PRR14L: variants seen among roughly 807,000 people sequenced by gnomAD.
The protein encoded by PRR14L is protein PRR14L.
A neutral mutation model predicts 155.0 loss-of-function variants in PRR14L; 80 were observed. That is an observed-to-expected ratio of 0.52 (90% CI 0.43 to 0.62). PRR14L has a LOEUF of 0.62. Ranked by LOEUF, PRR14L falls within the 20% of genes least tolerant of loss-of-function variation. The probability of loss-of-function intolerance (pLI) is 0.00; values close to 1 mark genes in which losing one functional copy is unlikely to be tolerated. For synonymous variants in PRR14L, 883 were observed against 916.0 expected (o/e 0.96, Z 0.65); for missense variants, 2,469 against 2,548.0 (o/e 0.97, Z 0.67).
Position 31,713,202 on chromosome 22 carries a change from C to G in PRR14L, c.4637G>C (p.Ser1546Thr), listed in dbSNP as rs1216204912. 2.6e-6 allele frequency: 4 copies of G among 1,551,716 alleles called. No individual in the cohort carries two copies. Among genetic ancestry groups the G allele is most frequent in the Non-Finnish European group, 3.5e-6 (4 of 1,147,030 alleles). Residue 1546 changes from serine to threonine, a missense_variant, in exon 4 of 9, where the codon AGT (serine) becomes ACT (threonine). Around this residue, in one of 2 missense-constraint regions of PRR14L, gnomAD observed 2,363 missense variants for 2,371.6 expected, o/e 1.00. Transcript: ENST00000327423. ...IVGRKIGKIRSSAFLKSSSNP... is the reference protein window; with the variant it reads ...IVGRKIGKIRTSAFLKSSSNP... ...GGAAGAACTCTTTAAAAAGGCAGAACTTCTGATTTTACCTATTTTTCTCCC... is the reference window on the plus strand; with the variant it reads ...GGAAGAACTCTTTAAAAAGGCAGAAGTTCTGATTTTACCTATTTTTCTCCC...
At position 31,714,444 on chromosome 22, in the gene PRR14L, C is replaced by T. The variant is rs149914090; in HGVS notation, c.3395G>A (p.Cys1132Tyr). The change falls in exon 4 of 9, where the codon TGT becomes TAT. Residue 1132 changes from cysteine (C) to tyrosine (Y), a missense_variant. This residue lies in a region of PRR14L where 2,363 missense variants were observed against 2,371.6 expected (regional missense o/e 1.00). Coordinates refer to ENST00000327423, the MANE Select transcript of PRR14L (RefSeq NM_173566.3). ...TVDFLKIKKS[C>Y]EENVCRSLKD... ...TAAAGATCTGCATACGTTTTCTTCA[C>T]ATGATTTTTTTATTTTGAGAAAGTC... The T allele has an allele frequency of 1.3e-6, 2 of 1,551,690 alleles. No homozygotes were observed. The highest frequency in any genetic ancestry group is 2.0e-5 in the Admixed American group (1 of 50,954).
intron 3 of PRR14L, 22 bp from the exon 4 acceptor site, chr22:31,717,313 A>T: frequency 6.6e-7 from 1 of 1,504,694 alleles, no homozygotes; most frequent in South Asian, 1.3e-5. Flanking sequence ...AAATAAATCC[A>T]AATTAATATG....
At chr22:31,712,052 A>G in intron 4 of PRR14L, 31 bp downstream of exon 4, 1 of 1,556,730 alleles carries the variant, frequency 6.4e-7, no homozygotes, top group Non-Finnish European at 8.7e-7. Context: ...CAAATATGGG[A>G]CATTTGTAAA....
At chr22:31,688,052 T>G in intron 8 of PRR14L, 104 bp downstream of exon 8, 2 of 901,100 alleles carry the variant, frequency 2.2e-6, no homozygotes, top group East Asian at 3.7e-5. Flanking sequence ...AAAGACCCAA[T>G]ATTGGTACAA....
At chr22:31,728,013 T>C (rs2074726904) in intron 2 of PRR14L, among the ~76,000 whole-genome samples, 1 of 149,678 alleles carries the variant, frequency 6.7e-6, no homozygotes. Context: ...ATTGAATCAA[T>C]CGACAATAAA....
In PRR14L at chr22:31,738,489, A is replaced by T. The variant is rs1308973594; in HGVS notation, c.372T>A (p.Asp124Glu). Residue 124 changes from aspartate to glutamate, a missense_variant, in exon 2 of 9, where the codon GAT becomes GAA. Coordinates refer to ENST00000327423, the MANE Select transcript of PRR14L (RefSeq NM_173566.3). ...TTATAATTCCTGCCTGGCCCCCTGG[A>T]TCTCTGAAGACCTTTGGCTCCATGC... ...SESMEPKVFR[D>E]PGGQAGIIRE... 2 of 1,551,946 alleles carry T rather than the reference A, an allele frequency of 1.3e-6. No homozygotes were observed. Among genetic ancestry groups the T allele is most frequent in the Admixed American group, 3.9e-5 (2 of 50,948 alleles).
chr22:31,716,930 G>T lies in PRR14L; in HGVS notation c.909C>A (p.Asn303Lys), dbSNP rs773442335. 14 of 1,551,990 alleles carry T rather than the reference G, an allele frequency of 9.0e-6. No individual in the cohort carries two copies. Among genetic ancestry groups the T allele is most frequent in the Non-Finnish European group, 1.2e-5 (14 of 1,147,060 alleles). Reference sequence around the variant, plus strand: ...GATTGTCATCTGCTTCACAGACCAGGTTTGGTTTACACAACTCTTCCTTCC... The same window carrying T: ...GATTGTCATCTGCTTCACAGACCAGTTTTGGTTTACACAACTCTTCCTTCC... The part of the protein sequence containing the change: ...DNGKEELCKP[N>K]LVCEADDNHQ... Residue 303 changes from asparagine to lysine, a missense_variant, in exon 4 of 9, where the codon AAC becomes AAA. Physicochemically the swap from Asn to Lys is moderately conservative, Grantham distance 94. Around this residue, in one of 2 missense-constraint regions of PRR14L, gnomAD observed 2,363 missense variants for 2,371.6 expected, o/e 1.00. Transcript: ENST00000327423.
rs1284897967 is a variant in PRR14L at position 31,731,871 on chromosome 22, C to A, written c.475-6261G>T. On this transcript the variant is annotated intron_variant, in intron 2 of 8. Transcript: ENST00000327423. ...TGCTAAAGTAATGTGGGCTACCCTC[C>A]CCATTGGTTTTGTTATTCATTTGTA... Among the ~76,000 whole-genome samples the A allele has an allele frequency of 2.6e-5, 4 of 152,102 alleles. No individual in the cohort carries two copies. In the East Asian group the frequency reaches 5.8e-4, roughly 22 times the overall value.
At chr22:31,736,795 T>C (rs911351647) in intron 2 of PRR14L, among the ~76,000 whole-genome samples, 2 of 151,954 alleles carry the variant, frequency 1.3e-5, no homozygotes, top group Non-Finnish European at 2.9e-5. Context: ...TCCCAACACG[T>C]TGGGAGGCTG....
rs1358301250 is a variant in PRR14L, at chr22:31,713,080, C to T, written c.4759G>A (p.Val1587Ile). ...EPETAPTKSL[V>I]SHIPKQMSTP... ...GACATCTGCTTTGGTATGTGACTAA[C>T]CAAGCTCTTGGTAGGTGCTGTTTCA... The change falls in exon 4 of 9, where the codon GTT (valine) becomes ATT (isoleucine). Residue 1587 changes from valine (V) to isoleucine (I), a missense_variant. Around this residue, in one of 2 missense-constraint regions of PRR14L, gnomAD observed 2,363 missense variants for 2,371.6 expected, o/e 1.00. Transcript: ENST00000327423. 1 of 1,552,292 alleles carries T rather than the reference C, an allele frequency of 6.4e-7. No individual in the cohort carries two copies. The highest frequency in any genetic ancestry group is 8.7e-7 in the Non-Finnish European group (1 of 1,147,138).
intron 8 of PRR14L, among the ~76,000 whole-genome samples, chr22:31,686,602 G>T (rs949221598): frequency 2.6e-5 from 4 of 151,694 alleles, no homozygotes; most frequent in East Asian, 1.9e-4. Context: ...AATTTAAAAA[G>T]AATTTTTTTT....
chr22:31,725,806 T>C (rs1569499801), intron 2 of PRR14L, among the ~76,000 whole-genome samples, 196 bp from the exon 3 acceptor site: 1 of 152,094 alleles, frequency 6.6e-6, no homozygotes, highest in African/African-American at 2.4e-5. Context: ...GTAGCTGGGA[T>C]TACATGCACC....
At chr22:31,686,868 G>T (rs1160418806) in intron 8 of PRR14L, among the ~76,000 whole-genome samples, 10 of 152,122 alleles carry the variant, frequency 6.6e-5, no homozygotes, top group African/African-American at 2.2e-4. Context: ...CTATATTCTA[G>T]AAACAGTGGG....
chr22:31,711,776 CAAA>C (rs757790329), intron 4 of PRR14L, among the ~76,000 whole-genome samples: 1,213 of 48,574 alleles, frequency 0.025, 2 homozygotes, highest in African/African-American at 0.084. Context: ...AAGAGTTAAT[CAAA>C]AAAAAAAAAA....
At chr22:31,729,001 A>G (rs2040683545) in intron 2 of PRR14L, among the ~76,000 whole-genome samples, 1 of 152,210 alleles carries the variant, frequency 6.6e-6, no homozygotes, top group Admixed American at 6.5e-5. Flanking sequence ...TTCTTAAATA[A>G]GACCAATCTA....
chr22:31,732,340 G>C (rs1378318165), intron 2 of PRR14L, among the ~76,000 whole-genome samples: 1 of 152,206 alleles, frequency 6.6e-6, no homozygotes, highest in Admixed American at 6.5e-5. Context: ...GGGAACTAGA[G>C]TTTGGGAGTT....
chr22:31,694,199 C>G (rs1270965141), intron 7 of PRR14L, among the ~76,000 whole-genome samples: 1 of 152,190 alleles, frequency 6.6e-6, no homozygotes, highest in Non-Finnish European at 1.5e-5. Context: ...ATCGCTTGAA[C>G]TTGGTAGGCA....
At position 31,709,547 on chromosome 22, in the gene PRR14L, T is replaced by G. The variant is rs1384072783; in HGVS notation, c.5756+2536A>C. 2.8e-5 allele frequency among the ~76,000 whole-genome samples: 4 copies of G among 142,634 alleles called. No individual in the cohort carries two copies. In the South Asian group the frequency reaches 7.0e-4, roughly 25 times the overall value. The allele number at this position is 142,634 out of a possible 152,430, so 93.6% of individuals were successfully genotyped here. On this transcript the variant is annotated intron_variant, in intron 4 of 8. Coordinates refer to ENST00000327423, the MANE Select transcript of PRR14L (RefSeq NM_173566.3). ...ACGCCTGTGGGGTTTTTTTTTTTTT[T>G]TTTTTTTTTTTTGAGACGGAGTCTT...
intron 7 of PRR14L, among the ~76,000 whole-genome samples, chr22:31,688,596 A>G (rs2074494562): frequency 6.6e-6 from 1 of 152,084 alleles, no homozygotes. Context: ...CAGGGTACCA[A>G]CCTTCAACTT....
Sources: gnomAD v4.1 joint callset for allele counts (sites outside exome capture counted in the v4.1 genomes callset) on GRCh38, gnomAD v4.1.1 for gene constraint, gnomAD v4.1.1 regional missense constraint, MANE v1.5 for transcripts, NCBI Gene and HGNC (gene_info 2026-07-23, HGNC 2026-07-21) for gene names.